The following ST8SIA6 variants were observed in gnomAD, a reference collection of about 807,000 sequenced individuals.
The protein encoded by ST8SIA6 is ST8 alpha-N-acetyl-neuraminide alpha-2,8-sialyltransferase 6, also known as alpha-2,8-sialyltransferase 8F.
Under a neutral mutation model 33.6 loss-of-function variants are expected in ST8SIA6, and 39 were observed. The ratio of observed to expected loss-of-function variants is 1.16; its 90% CI spans 0.90 to 1.52. The LOEUF is 1.52. Ranked by LOEUF, ST8SIA6 falls within the 40% of genes most tolerant of loss-of-function variation. The pLI is 0.00. For missense variants in ST8SIA6, 441 were observed against 443.8 expected, an observed-to-expected ratio of 0.99 and a Z score of 0.06; for synonymous variants, 172 against 167.2, an observed-to-expected ratio of 1.03 and a Z score of -0.22.
intron 5 of ST8SIA6, 31 bp from the exon 6 acceptor site, chr10:17,327,157 A>G: frequency 6.6e-7 from 1 of 1,518,192 alleles, no homozygotes; most frequent in Non-Finnish European, 9.0e-7. Flanking sequence ...ACTACCATGA[A>G]ATACCGTTAA....
At chr10:17,356,432 T>G (rs1849192242) in intron 4 of ST8SIA6, among the ~76,000 whole-genome samples, 1 of 151,458 alleles carries the variant, frequency 6.6e-6, no homozygotes, top group African/African-American at 2.4e-5. Context: ...TCAGCCAGCC[T>G]GCAGTGCAGT....
At chr10:17,368,589 G>A (rs1220603827) in intron 3 of ST8SIA6, among the ~76,000 whole-genome samples, 1 of 151,986 alleles carries the variant, frequency 6.6e-6, no homozygotes, top group Non-Finnish European at 1.5e-5. Flanking sequence ...AAGAAAGTAC[G>A]AGGAATAGTG....
intron 4 of ST8SIA6, among the ~76,000 whole-genome samples, chr10:17,346,565 G>A (rs1004854467): frequency 7.9e-5 from 12 of 152,176 alleles, no homozygotes; most frequent in Admixed American, 2.6e-4. Context: ...CTGCATACCA[G>A]TTTGGGTGAC....
intron 2 of ST8SIA6, chr10:17,413,404 T>C: frequency 6.6e-6 from 1 of 152,188 alleles, no homozygotes; most frequent in African/African-American, 2.4e-5. Context: ...TCATTCTGCT[T>C]GAGCAATTCA....
intron 2 of ST8SIA6, among the ~76,000 whole-genome samples, chr10:17,448,939 T>G (rs996926406): frequency 2.0e-5 from 3 of 151,064 alleles, no homozygotes; most frequent in African/African-American, 7.3e-5. Flanking sequence ...TTATTGAGCT[T>G]CTTTCATAAT....
Position 17,453,651 on chromosome 10 carries a change from C to T in ST8SIA6, c.108G>A (p.Leu36=). Residue 36 remains leucine (L), a synonymous_variant, in exon 2 of 8, where the codon CTG becomes CTA. Transcript: ENST00000377602. ...PADAPGRARI[L]VEESREATHG... The stretch of plus-strand genomic sequence containing the variant: ...GGGTGGCCTCCCTGCTTTCCTCCAC[C>T]AGAATCCTGCACAGCCGGGGAGAAA... 1 of 1,318,414 alleles carries T rather than the reference C, an allele frequency of 7.6e-7. No homozygotes were observed. Among genetic ancestry groups the T allele is most frequent in the East Asian group, 2.8e-5 (1 of 35,578 alleles). 81.7% of individuals were successfully genotyped at this position (1,318,414 alleles called of 1,614,324 possible). A position where few individuals can be genotyped will look rare whatever the true frequency, so the allele number is the denominator to read the frequency against.
intron 4 of ST8SIA6, among the ~76,000 whole-genome samples, chr10:17,352,002 C>G (rs1338227239): frequency 6.6e-6 from 1 of 151,644 alleles, no homozygotes; most frequent in Non-Finnish European, 1.5e-5. Context: ...TAATGTATTG[C>G]AGATTTCAAA....
At position 17,356,263 on chromosome 10, in the gene ST8SIA6, G is replaced by T. The variant is rs539821479; in HGVS notation, c.377+3251C>A. ...ACTACAGTGCTCTAAACTATACAGT[G>T]CATAGTTTAGAAATATGCCCATAAA... On this transcript the variant is annotated intron_variant, in intron 4 of 7. Transcript: ENST00000377602. 5.5e-4 allele frequency among the ~76,000 whole-genome samples: 83 copies of T among 152,032 alleles called. 2 individuals are homozygous for T. Among genetic ancestry groups the T allele is most frequent in the South Asian group, 4.2e-4 (2 of 4,818 alleles).
At chr10:17,401,976 A>G (rs1223470893) in intron 2 of ST8SIA6, among the ~76,000 whole-genome samples, 1 of 152,228 alleles carries the variant, frequency 6.6e-6, no homozygotes, top group Non-Finnish European at 1.5e-5. Context: ...AAAAGAAACT[A>G]CCATCAGAGT....
intron 2 of ST8SIA6, among the ~76,000 whole-genome samples, chr10:17,432,122 A>G (rs940676342): frequency 2.0e-5 from 3 of 152,204 alleles, no homozygotes; most frequent in Non-Finnish European, 2.9e-5. Flanking sequence ...AGAGCATACT[A>G]TGTTCTAGAA....
At chr10:17,352,766 A>C (rs12269503) in intron 4 of ST8SIA6, among the ~76,000 whole-genome samples, 34,253 of 151,940 alleles carry the variant, frequency 0.23, 4,032 homozygotes, top group African/African-American at 0.29. Flanking sequence ...TTAAATACGG[A>C]AGAAGTAATG....
At chr10:17,371,783 T>TAAAAAA (rs747851635) in intron 3 of ST8SIA6, among the ~76,000 whole-genome samples, 11 of 98,516 alleles carry the variant, frequency 1.1e-4, no homozygotes, top group South Asian at 3.8e-4. Context: ...AAGACTCCAT[T>TAAAAAA]AAAAAAAAAA....
Position 17,320,629 on chromosome 10 carries a change from C to A in ST8SIA6, c.*249G>T. On this transcript the variant is annotated 3_prime_UTR_variant, in exon 8 of 8. Coordinates refer to ENST00000377602, the MANE Select transcript of ST8SIA6 (RefSeq NM_001004470.3). Reference sequence around the variant, plus strand: ...TCCCTACCTCACACCAAAGGCCATGCCAATAATTTTCATAAATTATAAAAA... The same window carrying A: ...TCCCTACCTCACACCAAAGGCCATGACAATAATTTTCATAAATTATAAAAA... 1 of 483,644 alleles carries A rather than the reference C, an allele frequency of 2.1e-6. No individual in the cohort carries two copies. Among genetic ancestry groups the A allele is most frequent in the South Asian group, 2.7e-5 (1 of 37,220 alleles). 30.0% of individuals were successfully genotyped at this position (483,644 alleles called of 1,614,324 possible). A position where few individuals can be genotyped will look rare whatever the true frequency, so the allele number is the denominator to read the frequency against.
chr10:17,376,420 G>A lies in ST8SIA6; in HGVS notation c.290+14111C>T, dbSNP rs1849918915. Among the ~76,000 whole-genome samples, 4 of 152,092 alleles carry A rather than the reference G, an allele frequency of 2.6e-5. No homozygotes were observed. In the South Asian group the frequency reaches 8.3e-4, roughly 32 times the overall value. On this transcript the variant is annotated intron_variant, in intron 3 of 7. Coordinates refer to ENST00000377602, the MANE Select transcript of ST8SIA6 (RefSeq NM_001004470.3). ...GTGTGTCTACTCTAACCAAATGGTA[G>A]AAACTGAACAAACCTAATGGTCCAT...
In ST8SIA6 at chr10:17,454,583, T is replaced by C. The variant is rs1268510939; in HGVS notation, c.-328A>G. ...AGCTGCTGCGGGCTCCGGTCGCCGC[T>C]GCCACTGCTGCTGCCGCCGCCGCCG... On this transcript the variant is annotated 5_prime_UTR_variant, in exon 1 of 8. Coordinates refer to ENST00000377602, the MANE Select transcript of ST8SIA6 (RefSeq NM_001004470.3). The surrounding 1 kb of genome is among the most constrained non-coding windows in gnomAD (Gnocchi z 4.1). 6.6e-6 allele frequency among the ~76,000 whole-genome samples: 1 copy of C among 151,544 alleles called. No individual in the cohort carries two copies. Among genetic ancestry groups the C allele is most frequent in the Non-Finnish European group, 1.5e-5 (1 of 67,808 alleles).
chr10:17,329,662 T>G (rs1034136521), intron 5 of ST8SIA6, among the ~76,000 whole-genome samples: 1 of 152,178 alleles, frequency 6.6e-6, no homozygotes, highest in African/African-American at 2.4e-5. Context: ...AGGAAACATA[T>G]CTCAAATTAT....
At position 17,323,192 on chromosome 10, in the gene ST8SIA6, A is replaced by C. The variant is rs757167315; in HGVS notation, c.636-35T>G. ...GAAAAGAAAATCATTTTCAAAATAG[A>C]ACTTGTAGAAAAAAGATTGTATACA... On this transcript the variant is annotated intron_variant, in intron 6 of 7. Transcript: ENST00000377602. 13 of 1,575,680 alleles carry C rather than the reference A, an allele frequency of 8.3e-6. No individual in the cohort carries two copies. In the East Asian group the frequency reaches 1.6e-4, roughly 19 times the overall value.
At chr10:17,333,718 T>TATATAGATATATATATATA (rs1491246829) in intron 4 of ST8SIA6, among the ~76,000 whole-genome samples, 1 of 24,278 alleles carries the variant, frequency 4.1e-5, no homozygotes, top group African/African-American at 1.7e-4. Flanking sequence ...TATATATATA[T>TATATAGATATATATATATA]TTTTTTTTTT....
At chr10:17,348,247 T>A (rs1848915998) in intron 4 of ST8SIA6, among the ~76,000 whole-genome samples, 1 of 151,096 alleles carries the variant, frequency 6.6e-6, no homozygotes, top group South Asian at 2.1e-4. Context: ...TTGCAGACTT[T>A]GGCAACATAT....
Sources: allele counts gnomAD v4.1 joint callset (sites outside exome capture counted in the v4.1 genomes callset), GRCh38; gene constraint gnomAD v4.1.1; non-coding constraint Gnocchi (gnomAD v3.1); transcripts MANE v1.5; gene names NCBI Gene and HGNC (gene_info 2026-07-23, HGNC 2026-07-21).